The following SPATA13 variants were observed in gnomAD, a reference collection of about 807,000 sequenced individuals.
SPATA13 encodes spermatogenesis associated 13.
A neutral mutation model predicts 104.0 loss-of-function variants in SPATA13; 50 were observed. That is an observed-to-expected ratio of 0.48 (90% CI 0.38 to 0.61). The LOEUF (loss-of-function observed/expected upper bound fraction) is 0.61, where lower values mean the gene tolerates loss of function less well. Among genes scored for constraint, SPATA13 ranks in the 20% least tolerant of loss-of-function variants. The pLI is 0.00. For synonymous variants in SPATA13, 606 were observed against 667.5 expected (o/e 0.91, Z 1.42); for missense variants, 1,524 against 1,690.6 (o/e 0.90, Z 1.73).
chr13:23,980,539 T>C (rs1874836120), intron 1 of SPATA13, among the ~76,000 whole-genome samples: 1 of 152,170 alleles, frequency 6.6e-6, no homozygotes, highest in Middle Eastern at 3.2e-3. Context: ...AATATTTGGA[T>C]TGTGGTGTTA....
At chr13:23,980,074 G>T (rs1333816251) in intron 1 of SPATA13, 1 of 152,428 alleles carries the variant, frequency 6.6e-6, no homozygotes, top group Non-Finnish European at 1.5e-5. Context: ...CCGGGTAGGA[G>T]AAGGGATAGA....
rs148655407 is a variant in SPATA13, at chr13:24,010,174, G to A, written c.-146-7493G>A. 2.5e-4 allele frequency among the ~76,000 whole-genome samples: 38 copies of A among 152,366 alleles called. No individual in the cohort carries two copies. In the East Asian group the frequency reaches 5.4e-3, roughly 22 times the overall value. On this transcript the variant is annotated intron_variant, in intron 2 of 14. Transcript: ENST00000424834. ...TGCATTCTTTTTGGATCTATGATCAGCCTTTCACTGAATTAAACAATTTAT... is the reference window on the plus strand; with the variant it reads ...TGCATTCTTTTTGGATCTATGATCAACCTTTCACTGAATTAAACAATTTAT...
Position 24,290,696 on chromosome 13 carries a change from G to A in SPATA13, c.2892G>A (p.Pro964=), listed in dbSNP as rs1326948467. ...AIYSEYCNNH[P]GACLELANLM... Reference sequence around the variant, plus strand: ...ATTCCGAGTACTGCAACAACCACCCGGGCGCCTGCCTGGAGCTCGCCAACC... The same window carrying A: ...ATTCCGAGTACTGCAACAACCACCCAGGCGCCTGCCTGGAGCTCGCCAACC... Residue 964 remains proline, a synonymous_variant, in exon 9 of 13, where the codon CCG becomes CCA. Coordinates refer to ENST00000382108, the MANE Select transcript of SPATA13 (RefSeq NM_001166271.3). 4.3e-6 allele frequency: 7 copies of A among 1,614,160 alleles called. No homozygotes were observed. The highest frequency in any genetic ancestry group is 3.3e-5 in the South Asian group (3 of 91,072).
chr13:24,130,083 T>C (rs1881345064), intron 3 of SPATA13, among the ~76,000 whole-genome samples: 1 of 152,184 alleles, frequency 6.6e-6, no homozygotes, highest in Non-Finnish European at 1.5e-5. Context: ...CCCAGAGTGG[T>C]GGTGAACACA....
intron 3 of SPATA13, among the ~76,000 whole-genome samples, chr13:24,116,780 C>CG (rs1491337824): frequency 4.0e-5 from 6 of 150,700 alleles, no homozygotes; most frequent in Non-Finnish European, 8.9e-5. Context: ...CCCCCCCCCC[C>CG]CAATGTGCTG....
intron 4 of SPATA13, among the ~76,000 whole-genome samples, chr13:24,282,711 G>T (rs9511178): frequency 0.17 from 25,130 of 152,130 alleles, 2,276 homozygotes; most frequent in Admixed American, 0.26. Context: ...AGCCCTCATC[G>T]TGCGGGACAC....
At chr13:24,225,516 C>T (rs1309485244) in intron 2 of SPATA13, among the ~76,000 whole-genome samples, 1 of 152,218 alleles carries the variant, frequency 6.6e-6, no homozygotes, top group African/African-American at 2.4e-5. Context: ...CTCTTCTTCT[C>T]ATCACCTGCA....
chr13:24,194,321 C>T (rs1406698733), intron 1 of SPATA13, among the ~76,000 whole-genome samples: 4 of 152,152 alleles, frequency 2.6e-5, no homozygotes, highest in South Asian at 2.1e-4. Flanking sequence ...GAAAAGTTAG[C>T]GCCGTTCAAT....
intron 1 of SPATA13, among the ~76,000 whole-genome samples, chr13:24,198,156 A>T (rs769894356): frequency 6.6e-5 from 10 of 152,106 alleles, no homozygotes; most frequent in South Asian, 4.2e-4. Context: ...CCACCATGCC[A>T]GCTAATTTCT....
At chr13:24,036,494 T>G (rs184138701) in intron 3 of SPATA13, among the ~76,000 whole-genome samples, 1 of 152,330 alleles carries the variant, frequency 6.6e-6, no homozygotes, top group East Asian at 1.9e-4. Flanking sequence ...TTAGGTGCAC[T>G]GTAGAATCTG....
At chr13:24,247,618 G>T (rs1435251365) in intron 2 of SPATA13, among the ~76,000 whole-genome samples, 1 of 151,660 alleles carries the variant, frequency 6.6e-6, no homozygotes, top group Non-Finnish European at 1.5e-5. Context: ...AAGTAGCTGG[G>T]ATTACAGGCA....
rs34619988 is a variant in SPATA13, at chr13:24,292,054, CCTCT to C, written c.3080+1175_3080+1178del. ...TACAGGCGTGAGCCACCGCGCCCGG[CCTCT>C]CTCTGTCTTTATTATCTGCCTTGGT... On this transcript the variant is annotated intron_variant, in intron 9 of 12. Coordinates refer to ENST00000382108, the MANE Select transcript of SPATA13 (RefSeq NM_001166271.3). 7.6e-3 allele frequency among the ~76,000 whole-genome samples: 1,162 copies of C among 152,258 alleles called. 12 individuals are homozygous for C. The highest frequency in any genetic ancestry group is 0.027 in the African/African-American group (1,109 of 41,538).
chr13:24,081,914 C>T (rs887020453), intron 3 of SPATA13, among the ~76,000 whole-genome samples: 4 of 152,190 alleles, frequency 2.6e-5, no homozygotes, highest in Non-Finnish European at 5.9e-5. Flanking sequence ...TTCCCTGGTG[C>T]TGGTGCTCTC....
At chr13:24,038,784 A>G (rs1359983111) in intron 3 of SPATA13, among the ~76,000 whole-genome samples, 1 of 152,190 alleles carries the variant, frequency 6.6e-6, no homozygotes, top group Non-Finnish European at 1.5e-5. Flanking sequence ...ACAGCTCACT[A>G]GGACGCAGGA....
At chr13:24,277,174 G>A (rs1276467555) in intron 4 of SPATA13, among the ~76,000 whole-genome samples, 1 of 152,058 alleles carries the variant, frequency 6.6e-6, no homozygotes, top group Non-Finnish European at 1.5e-5. Flanking sequence ...GCCGGGCGCG[G>A]TGGCTTACGC....
rs1469649550 is a variant in SPATA13, at chr13:24,160,762, T to C, written c.-282T>C. On this transcript the variant is annotated 5_prime_UTR_variant, in exon 1 of 13. Coordinates refer to ENST00000382108, the MANE Select transcript of SPATA13 (RefSeq NM_001166271.3). ...GCGGGAGGAGAGTGTGCGTTGCGCT[T>C]TCTCCCGCGATCGCCCTGCCGGTCG... 7.1e-6 allele frequency: 7 copies of C among 985,348 alleles called. No individual in the cohort carries two copies. The highest frequency in any genetic ancestry group is 8.4e-6 in the Non-Finnish European group (7 of 829,964). The allele number at this position is 985,348 out of a possible 1,614,324, so 61.0% of individuals were successfully genotyped here. A position where few individuals can be genotyped will look rare whatever the true frequency, so the allele number is the denominator to read the frequency against.
intron 8 of SPATA13, among the ~76,000 whole-genome samples, chr13:24,289,488 C>G (rs1450076870): frequency 1.3e-5 from 2 of 152,146 alleles, no homozygotes; most frequent in East Asian, 3.8e-4. Context: ...GGAGTCCTTC[C>G]TAATAATATC....
chr13:24,209,836 C>T (rs112416760), intron 1 of SPATA13, among the ~76,000 whole-genome samples: 99 of 152,240 alleles, frequency 6.5e-4, no homozygotes, highest in African/African-American at 2.3e-3. Context: ...TCTGAGGCGC[C>T]TCCATGCTGT....
intron 2 of SPATA13, among the ~76,000 whole-genome samples, chr13:24,010,838 T>C (rs1876441432): frequency 6.6e-6 from 1 of 152,014 alleles, no homozygotes; most frequent in African/African-American, 2.4e-5. Context: ...GACGTGCTGG[T>C]TGGCAAACCA....
Sources: gnomAD v4.1 joint callset for allele counts (sites outside exome capture counted in the v4.1 genomes callset) on GRCh38, gnomAD v4.1.1 for gene constraint, MANE v1.5 for transcripts, NCBI Gene and HGNC (gene_info 2026-07-23, HGNC 2026-07-21) for gene names.